NPAS3: variants seen among roughly 807,000 people sequenced by gnomAD.
The protein encoded by NPAS3 is neuronal PAS domain-containing protein 3.
A neutral mutation model predicts 73.1 loss-of-function variants in NPAS3; 14 were observed. The observed-to-expected ratio is 0.19, with a 90% CI of 0.13 to 0.30. NPAS3 has a LOEUF of 0.30. NPAS3 is among the 10% of genes least tolerant of loss of function. The pLI, the probability that NPAS3 is intolerant of heterozygous loss-of-function variation, is 1.00. For synonymous variants in NPAS3, 620 were observed against 541.5 expected (o/e 1.14, Z -2.01); for missense variants, 1,096 against 1,250.0 (o/e 0.88, Z 1.86).
chr14:33,654,717 T>C (rs1024602542), intron 5 of NPAS3, among the ~76,000 whole-genome samples: 34 of 152,204 alleles, frequency 2.2e-4, no homozygotes, highest in African/African-American at 8.0e-4. Context: ...AATATTTATA[T>C]CCCAAGTGAT....
chr14:33,197,482 A>G (rs1014540670), intron 2 of NPAS3, among the ~76,000 whole-genome samples: 1 of 152,064 alleles, frequency 6.6e-6, no homozygotes, highest in Non-Finnish European at 1.5e-5. Context: ...CTTCCATCCC[A>G]GAGGGAAGCG....
At chr14:33,756,758 C>T (rs967226982) in intron 7 of NPAS3, among the ~76,000 whole-genome samples, 3 of 152,136 alleles carry the variant, frequency 2.0e-5, no homozygotes, top group South Asian at 4.1e-4. Flanking sequence ...TCTGGTCCTA[C>T]GAGGTACACA....
At chr14:33,062,789 T>C (rs2041155077) in intron 2 of NPAS3, among the ~76,000 whole-genome samples, 1 of 152,216 alleles carries the variant, frequency 6.6e-6, no homozygotes, top group Non-Finnish European at 1.5e-5. Context: ...GTGATACTAA[T>C]GTGCTTGTGT....
chr14:33,033,637 A>G (rs752681387), intron 1 of NPAS3, among the ~76,000 whole-genome samples: 7 of 152,258 alleles, frequency 4.6e-5, no homozygotes, highest in Admixed American at 1.3e-4. Context: ...CCAATGGTTC[A>G]TTTGCTTAAC....
At chr14:33,056,695 G>A (rs1165506383) in intron 2 of NPAS3, among the ~76,000 whole-genome samples, 1 of 152,138 alleles carries the variant, frequency 6.6e-6, no homozygotes, top group African/African-American at 2.4e-5. Context: ...TATTGCTTTT[G>A]CTGTGAAGAA....
At chr14:33,208,461 G>C (rs2046911636) in intron 2 of NPAS3, among the ~76,000 whole-genome samples, 1 of 152,152 alleles carries the variant, frequency 6.6e-6, no homozygotes. Flanking sequence ...AAGGCATTCA[G>C]TTGAATGGCT....
chr14:33,142,748 A>C (rs1339250999), intron 2 of NPAS3, among the ~76,000 whole-genome samples: 1 of 152,166 alleles, frequency 6.6e-6, no homozygotes, highest in Non-Finnish European at 1.5e-5. Flanking sequence ...TATGACACAT[A>C]TCTATATTTG....
At chr14:33,317,789 G>A (rs1702592988) in intron 3 of NPAS3, among the ~76,000 whole-genome samples, 1 of 152,042 alleles carries the variant, frequency 6.6e-6, no homozygotes, top group South Asian at 2.1e-4. Flanking sequence ...CCAGTCTTGG[G>A]TGTGTCTTTA....
chr14:33,393,993 C>G (rs1183515565), intron 4 of NPAS3, among the ~76,000 whole-genome samples: 1 of 152,172 alleles, frequency 6.6e-6, no homozygotes, highest in Non-Finnish European at 1.5e-5. Context: ...TTTTGGAACT[C>G]TCGCTTGATT....
At chr14:33,719,231 C>T (rs1013670747) in intron 6 of NPAS3, among the ~76,000 whole-genome samples, 2 of 152,172 alleles carry the variant, frequency 1.3e-5, no homozygotes, top group Non-Finnish European at 2.9e-5. Flanking sequence ...TGGTCATCAT[C>T]CTGTCCAGTG....
At chr14:33,359,584 G>A (rs1366324401) in intron 3 of NPAS3, among the ~76,000 whole-genome samples, 3 of 152,202 alleles carry the variant, frequency 2.0e-5, no homozygotes, top group Admixed American at 6.5e-5. Flanking sequence ...TTTTAAGACA[G>A]TTTGCAAAAT....
intron 3 of NPAS3, among the ~76,000 whole-genome samples, chr14:33,284,018 C>A (rs1258329515): frequency 2.6e-5 from 4 of 152,142 alleles, no homozygotes; most frequent in Non-Finnish European, 5.9e-5. Flanking sequence ...ATTCACCATC[C>A]TTTTTCTCCT....
At chr14:33,735,193 C>A in intron 6 of NPAS3, 21 bp from the exon 7 acceptor site, 1 of 1,541,290 alleles carries the variant, frequency 6.5e-7, no homozygotes, top group Middle Eastern at 1.7e-4. Flanking sequence ...TCGTGTGTGT[C>A]TGTATTTTTG....
chr14:32,994,691 G>A (rs754307035), intron 1 of NPAS3, among the ~76,000 whole-genome samples: 5 of 148,096 alleles, frequency 3.4e-5, no homozygotes, highest in Non-Finnish European at 5.9e-5. Context: ...TAGTGCAGTG[G>A]CATGATCTCA....
At chr14:33,577,444 G>A (rs75148976) in intron 5 of NPAS3, among the ~76,000 whole-genome samples, 3 of 152,142 alleles carry the variant, frequency 2.0e-5, no homozygotes, top group Non-Finnish European at 4.4e-5. Flanking sequence ...CTATAAAGAG[G>A]GGGGAGGTTT....
At chr14:33,584,412 A>AAG (rs1042662562) in intron 5 of NPAS3, among the ~76,000 whole-genome samples, 17 of 150,272 alleles carry the variant, frequency 1.1e-4, no homozygotes, top group African/African-American at 3.9e-4. Context: ...AAAAAAAAAA[A>AAG]GGGGGATCAA....
chr14:33,078,382 T>G (rs1475763421), intron 2 of NPAS3, among the ~76,000 whole-genome samples: 2 of 152,124 alleles, frequency 1.3e-5, no homozygotes, highest in East Asian at 3.9e-4. Context: ...TATTCTGGGT[T>G]TGGAGAATGC....
chr14:33,796,771 C>T (rs186139151), intron 10 of NPAS3, among the ~76,000 whole-genome samples: 54 of 152,268 alleles, frequency 3.5e-4, no homozygotes, highest in African/African-American at 1.3e-3. Flanking sequence ...AAATTAAGCA[C>T]ATTTGTGCAA....
At chr14:33,550,781 A>T (rs972572842) in intron 4 of NPAS3, among the ~76,000 whole-genome samples, 3 of 152,220 alleles carry the variant, frequency 2.0e-5, no homozygotes, top group Non-Finnish European at 4.4e-5. Context: ...ATATGAAGCT[A>T]AATTCTGGAG....
Sources: gnomAD v4.1 joint callset for allele counts (sites outside exome capture counted in the v4.1 genomes callset) on GRCh38, gnomAD v4.1.1 for gene constraint, MANE v1.5 for transcripts, NCBI Gene and HGNC (gene_info 2026-07-23, HGNC 2026-07-21) for gene names.